WDR27: variants seen among roughly 807,000 people sequenced by gnomAD.
WDR27 encodes the protein WD repeat-containing protein 27.
A neutral mutation model predicts 114.4 loss-of-function variants in WDR27; 100 were observed. That is an observed-to-expected ratio of 0.87 (90% CI 0.74 to 1.03). The LOEUF (loss-of-function observed/expected upper bound fraction) is 1.03, where lower values mean the gene tolerates loss of function less well. WDR27 is among the 50% of genes least tolerant of loss of function. The pLI is 0.00. For missense variants in WDR27, 1,129 were observed against 1,092.9 expected, an observed-to-expected ratio of 1.03 and a Z score of -0.47; for synonymous variants, 449 against 423.1, an observed-to-expected ratio of 1.06 and a Z score of -0.75.
chr6:169,652,882 C>T (rs113338169), intron 13 of WDR27, among the ~76,000 whole-genome samples: 2 of 152,154 alleles, frequency 1.3e-5, no homozygotes, highest in Admixed American at 6.5e-5. Flanking sequence ...TAGTCTGAAA[C>T]GAGATGACCC....
chr6:169,533,331 C>T (rs1044378974), intron 25 of WDR27, among the ~76,000 whole-genome samples: 3 of 151,844 alleles, frequency 2.0e-5, no homozygotes, highest in Non-Finnish European at 2.9e-5. Context: ...GAGGTGAGAA[C>T]GATTGGGTGC....
At chr6:169,454,793 G>A (rs1784284717), downstream of WDR27, among the ~76,000 whole-genome samples, 2 of 152,230 alleles carry the variant, frequency 1.3e-5, no homozygotes, top group African/African-American at 4.8e-5. Flanking sequence ...TAATCACGGA[G>A]ACAGCAGGCT....
intron 25 of WDR27, among the ~76,000 whole-genome samples, chr6:169,515,485 A>G (rs1163652463): frequency 6.6e-6 from 1 of 152,196 alleles, no homozygotes; most frequent in Non-Finnish European, 1.5e-5. Context: ...TGGGTTATGC[A>G]TGTCTGTTTT....
At chr6:169,637,385 T>C (rs1817879581) in intron 18 of WDR27, among the ~76,000 whole-genome samples, 1 of 152,210 alleles carries the variant, frequency 6.6e-6, no homozygotes, top group Non-Finnish European at 1.5e-5. Context: ...ATAACAAACA[T>C]AAGGATAGAT....
rs967295578 is a variant in WDR27, at chr6:169,664,555, G to A, written c.784-269C>T. ...CCTACTGTGCAGGCCTCCCCAAGAT[G>A]CTCCTCTGGGAACCCCAGGCCCCAG... is the stretch of plus-strand genomic sequence containing the variant. On this transcript the variant is annotated intron_variant, in intron 7 of 25. Transcript: ENST00000448612. 11 of 1,317,168 alleles carry A rather than the reference G, an allele frequency of 8.4e-6. No homozygotes were observed. The South Asian group carries it at 1.8e-4, about 21-fold the overall frequency. The allele number at this position is 1,317,168 out of a possible 1,614,324, so 81.6% of individuals were successfully genotyped here. A position where few individuals can be genotyped will look rare whatever the true frequency, so the allele number is the denominator to read the frequency against.
At chr6:169,566,362 T>C (rs1055297892) in intron 25 of WDR27, among the ~76,000 whole-genome samples, 1 of 152,196 alleles carries the variant, frequency 6.6e-6, no homozygotes, top group East Asian at 1.9e-4. Context: ...CCCTTGCTCC[T>C]GGCAGGGAGC....
rs1220748162 is a variant in WDR27 at position 169,580,933 on chromosome 6, T to TTATA, written c.2523+1899_2523+1902dup. On this transcript the variant is annotated intron_variant, in intron 24 of 25. Transcript: ENST00000448612. Reference sequence around the variant, plus strand: ...TTAAAAATAAGGAACTTAGTGAATTTTATATATATATATATATATACATAT... The same window carrying TTATA: ...TTAAAAATAAGGAACTTAGTGAATTTTATATATATATATATATATATATACATAT... Among the ~76,000 whole-genome samples the TTATA allele has an allele frequency of 7.0e-3, 378 of 53,646 alleles. 1 individual carries two copies. Among genetic ancestry groups the TTATA allele is most frequent in the East Asian group, 0.016 (16 of 976 alleles). The allele number at this position is 53,646 out of a possible 152,430, so 35.2% of individuals were successfully genotyped here. A position where few individuals can be genotyped will look rare whatever the true frequency, so the allele number is the denominator to read the frequency against.
At chr6:169,490,421 C>G (rs994381862) in intron 25 of WDR27, among the ~76,000 whole-genome samples, 1 of 152,214 alleles carries the variant, frequency 6.6e-6, no homozygotes, top group African/African-American at 2.4e-5. Flanking sequence ...ATCAAATCAT[C>G]AGGGAGCCAG....
At chr6:169,519,561 T>C (rs566788910) in intron 25 of WDR27, among the ~76,000 whole-genome samples, 5 of 151,982 alleles carry the variant, frequency 3.3e-5, no homozygotes, top group African/African-American at 1.2e-4. Flanking sequence ...CCAGATCTCA[T>C]AAGAACTCAC....
intron 25 of WDR27, among the ~76,000 whole-genome samples, chr6:169,470,637 G>C (rs1350282364): frequency 1.3e-5 from 2 of 152,212 alleles, no homozygotes; most frequent in Non-Finnish European, 2.9e-5. Flanking sequence ...TGAGTGGGAA[G>C]AGAGGGAGAC....
rs186343388 is a variant in WDR27, at chr6:169,659,347, C to T, written c.1197+104G>A. On this transcript the variant is annotated intron_variant, in intron 11 of 25. Transcript: ENST00000448612. This position sits in a 1 kb window ranked among gnomAD's most constrained non-coding sequence, Gnocchi z 4.3. ...CTGTCACTCCTAAAACGTTTTTACA[C>T]ACAAAATCCCGTTTACTCAGCCAGT... 3.8e-6 allele frequency: 6 copies of T among 1,575,670 alleles called. No individual in the cohort carries two copies. Among genetic ancestry groups the T allele is most frequent in the East Asian group, 2.3e-5 (1 of 44,432 alleles).
intron 24 of WDR27, among the ~76,000 whole-genome samples, chr6:169,581,437 T>C (rs1021983497): frequency 6.6e-6 from 1 of 152,082 alleles, no homozygotes; most frequent in Admixed American, 6.5e-5. Context: ...TTACAACAAC[T>C]CAAAACAATA....
At chr6:169,656,471 T>C (rs1247269223) in intron 13 of WDR27, among the ~76,000 whole-genome samples, 2 of 151,080 alleles carry the variant, frequency 1.3e-5, no homozygotes, top group African/African-American at 4.9e-5. Flanking sequence ...GGATGAATGG[T>C]AGGAGGTGAG....
rs1355015671 is a variant in WDR27, at chr6:169,613,563, G to C, written c.2317C>G (p.Leu773Val). The change falls in exon 22 of 26, where the codon CTG becomes GTG. Residue 773 changes from leucine to valine, a missense_variant. Physicochemically the swap from Leu to Val is conservative, Grantham distance 32 (BLOSUM62 1). Coordinates refer to ENST00000448612, the MANE Select transcript of WDR27 (RefSeq NM_182552.5). The stretch of plus-strand genomic sequence containing the variant: ...CAGGGCGCAGGACAGCCTTACCTCA[G>C]GGTTCTCAGGTCCCACAGTCTCATC... Reference protein sequence around the residue: ...DGMRLWDLRTLRCERHFEGHP... With the variant: ...DGMRLWDLRTVRCERHFEGHP... The C allele has an allele frequency of 6.2e-7, 1 of 1,613,702 alleles. No individual in the cohort carries two copies. Among genetic ancestry groups the C allele is most frequent in the African/African-American group, 1.3e-5 (1 of 75,040 alleles).
chr6:169,464,516 G>GA (rs1307239405), intron 25 of WDR27, among the ~76,000 whole-genome samples: 3 of 152,112 alleles, frequency 2.0e-5, no homozygotes, highest in East Asian at 1.9e-4. Flanking sequence ...GGCAATCAGA[G>GA]AAAAAATAGA....
intron 2 of WDR27, among the ~76,000 whole-genome samples, chr6:169,679,033 T>C (rs1780790853): frequency 1.3e-5 from 2 of 152,130 alleles, no homozygotes; most frequent in African/African-American, 2.4e-5. Flanking sequence ...AACCTGAACA[T>C]TCCTTTCTAT....
At chr6:169,556,355 C>A (rs768190529) in intron 25 of WDR27, among the ~76,000 whole-genome samples, 1 of 152,210 alleles carries the variant, frequency 6.6e-6, no homozygotes, top group Admixed American at 6.5e-5. Context: ...TTGGTCTCAG[C>A]CTAGTGAGAC....
chr6:169,557,009 G>A (rs73792942), intron 25 of WDR27, among the ~76,000 whole-genome samples: 2,473 of 152,282 alleles, frequency 0.016, 64 homozygotes, highest in African/African-American at 0.057. Flanking sequence ...GTTACGTTGC[G>A]GTTAAGCACA....
chr6:169,499,820 G>A (rs1790896614), intron 25 of WDR27, among the ~76,000 whole-genome samples: 1 of 152,220 alleles, frequency 6.6e-6, no homozygotes, highest in South Asian at 2.1e-4. Context: ...CAGCAGGAGG[G>A]TCCTGGCCCA....
Sources: gnomAD v4.1 joint callset for allele counts (sites outside exome capture counted in the v4.1 genomes callset) on GRCh38, gnomAD v4.1.1 for gene constraint, Gnocchi (gnomAD v3.1) non-coding constraint, MANE v1.5 for transcripts, NCBI Gene and HGNC (gene_info 2026-07-23, HGNC 2026-07-21) for gene names.